Variants in SLC35F1 observed in about 807,000 individuals in gnomAD.
SLC35F1 encodes solute carrier family 35 member F1.
Under a neutral mutation model 48.7 loss-of-function variants are expected in SLC35F1, and 14 were observed. The ratio of observed to expected loss-of-function variants is 0.29; its 90% confidence interval spans 0.19 to 0.45. The LOEUF (loss-of-function observed/expected upper bound fraction) is 0.45, where lower values mean the gene tolerates loss of function less well. SLC35F1 is among the 20% of genes least tolerant of loss of function. SLC35F1 has a pLI of 1.00. For missense variants in SLC35F1, 404 were observed against 500.0 expected, an observed-to-expected ratio of 0.81 and a Z score of 1.83; for synonymous variants, 190 against 202.2, an observed-to-expected ratio of 0.94 and a Z score of 0.51.
At chr6:117,998,786 G>A (rs1297438811) in intron 1 of SLC35F1, among the ~76,000 whole-genome samples, 2 of 152,122 alleles carry the variant, frequency 1.3e-5, no homozygotes, top group Non-Finnish European at 2.9e-5. Context: ...GTGTGTAGAG[G>A]GAAATTTATA....
At chr6:117,966,483 A>G (rs556064575) in intron 1 of SLC35F1, among the ~76,000 whole-genome samples, 3 of 151,948 alleles carry the variant, frequency 2.0e-5, no homozygotes, top group Non-Finnish European at 4.4e-5. Context: ...GAACTGTAAC[A>G]CTCACTGTGA....
intron 1 of SLC35F1, among the ~76,000 whole-genome samples, chr6:118,098,257 A>G (rs1190994616): frequency 6.6e-6 from 1 of 152,172 alleles, no homozygotes; most frequent in African/African-American, 2.4e-5. Context: ...TCCTCCTACA[A>G]TTAAGACAAC....
intron 2 of SLC35F1, among the ~76,000 whole-genome samples, chr6:118,200,604 G>A (rs1228328200): frequency 3.3e-5 from 5 of 152,244 alleles, no homozygotes; most frequent in African/African-American, 1.2e-4. Context: ...AAGGAAAACA[G>A]CACCTTTAGG....
At chr6:117,981,232 G>T (rs954676555) in intron 1 of SLC35F1, among the ~76,000 whole-genome samples, 2 of 152,162 alleles carry the variant, frequency 1.3e-5, no homozygotes. Flanking sequence ...TCCTGATCTG[G>T]AGGGCAGGAG....
chr6:118,175,950 G>C (rs1774482709), intron 2 of SLC35F1, among the ~76,000 whole-genome samples: 1 of 152,012 alleles, frequency 6.6e-6, no homozygotes, highest in African/African-American at 2.4e-5. Context: ...GAAAAAAAAA[G>C]TTGGTGGAGA....
intron 1 of SLC35F1, among the ~76,000 whole-genome samples, chr6:118,110,314 C>G (rs1773381293): frequency 6.6e-6 from 1 of 152,072 alleles, no homozygotes; most frequent in South Asian, 2.1e-4. Flanking sequence ...CACAGAGAAC[C>G]AAAGCCTACG....
At position 118,085,952 on chromosome 6, in the gene SLC35F1, A is replaced by G. The variant is rs116818588; in HGVS notation, c.174-68493A>G. 5.0e-3 allele frequency among the ~76,000 whole-genome samples: 760 copies of G among 152,164 alleles called. 6 individuals are homozygous for G. Among genetic ancestry groups the G allele is most frequent in the African/African-American group, 0.018 (740 of 41,502 alleles). Reference sequence around the variant, plus strand: ...ATCAAATTTCCCCCTTCTTGAGTTCATGAAAAATATGAAAGTTCAAGGAGT... The same window carrying G: ...ATCAAATTTCCCCCTTCTTGAGTTCGTGAAAAATATGAAAGTTCAAGGAGT... On this transcript the variant is annotated intron_variant, in intron 1 of 7. Coordinates refer to ENST00000360388, the MANE Select transcript of SLC35F1 (RefSeq NM_001029858.4).
intron 1 of SLC35F1, among the ~76,000 whole-genome samples, chr6:117,986,260 C>T (rs888090018): frequency 2.0e-5 from 3 of 152,138 alleles, no homozygotes; most frequent in Admixed American, 1.3e-4. Context: ...AGGGATATAG[C>T]TCCCGTAGTT....
At chr6:117,990,110 G>A (rs917005708) in intron 1 of SLC35F1, among the ~76,000 whole-genome samples, 2 of 152,036 alleles carry the variant, frequency 1.3e-5, no homozygotes, top group Admixed American at 6.6e-5. Context: ...GTTGCTAAGT[G>A]GATGGTTTCC....
chr6:117,959,210 C>T (rs1450219243), intron 1 of SLC35F1, among the ~76,000 whole-genome samples: 1 of 152,164 alleles, frequency 6.6e-6, no homozygotes, highest in Non-Finnish European at 1.5e-5. Context: ...GGGAACACTA[C>T]ACGAGTGTCC....
chr6:117,923,328 C>A (rs1775926735), intron 1 of SLC35F1, among the ~76,000 whole-genome samples: 1 of 151,882 alleles, frequency 6.6e-6, no homozygotes, highest in Admixed American at 6.6e-5. Flanking sequence ...ACAGCCCATG[C>A]AGAGTTTAGA....
At chr6:117,911,686 C>T (rs937386030) in intron 1 of SLC35F1, among the ~76,000 whole-genome samples, 1 of 152,032 alleles carries the variant, frequency 6.6e-6, no homozygotes, top group Non-Finnish European at 1.5e-5. Context: ...CCTCAAGTCA[C>T]CCTCCCACCT....
At chr6:117,939,888 C>T (rs1776207424) in intron 1 of SLC35F1, among the ~76,000 whole-genome samples, 1 of 152,114 alleles carries the variant, frequency 6.6e-6, no homozygotes, top group African/African-American at 2.4e-5. Context: ...GGAGGGTCCT[C>T]ACACACTTTT....
At chr6:118,070,750 T>G (rs1034954766) in intron 1 of SLC35F1, among the ~76,000 whole-genome samples, 1 of 149,760 alleles carries the variant, frequency 6.7e-6, no homozygotes, top group Non-Finnish European at 1.5e-5. Context: ...GATGAATACT[T>G]AGATTTTTTT....
At chr6:118,245,442 G>A (rs988075290) in intron 3 of SLC35F1, among the ~76,000 whole-genome samples, 6 of 152,278 alleles carry the variant, frequency 3.9e-5, no homozygotes, top group African/African-American at 1.4e-4. Context: ...GTCCCTAGGG[G>A]CAGCTGGCTA....
intron 1 of SLC35F1, among the ~76,000 whole-genome samples, chr6:118,049,426 C>G (rs534827353): frequency 2.3e-4 from 35 of 152,160 alleles, no homozygotes; most frequent in African/African-American, 7.7e-4. Context: ...AGTGAACAGG[C>G]AACCCACAAA....
chr6:118,262,475 T>G (rs1346496941), intron 3 of SLC35F1, among the ~76,000 whole-genome samples: 1 of 152,196 alleles, frequency 6.6e-6, no homozygotes, highest in Non-Finnish European at 1.5e-5. Context: ...TTTTAAAATT[T>G]TAGTGCTACT....
chr6:118,203,625 G>T (rs1774897678), intron 2 of SLC35F1, among the ~76,000 whole-genome samples: 1 of 152,220 alleles, frequency 6.6e-6, no homozygotes, highest in African/African-American at 2.4e-5. Flanking sequence ...ATGCCTTTGG[G>T]AGGGATGTGT....
At chr6:118,152,354 C>T (rs961394437) in intron 1 of SLC35F1, among the ~76,000 whole-genome samples, 24 of 152,100 alleles carry the variant, frequency 1.6e-4, no homozygotes, top group African/African-American at 5.1e-4. Flanking sequence ...GGAGGGAGAG[C>T]GTTTAGGACA....
Sources: gnomAD v4.1 joint callset for allele counts (sites outside exome capture counted in the v4.1 genomes callset) on GRCh38, gnomAD v4.1.1 for gene constraint, MANE v1.5 for transcripts, NCBI Gene and HGNC (gene_info 2026-07-23, HGNC 2026-07-21) for gene names.